The following LRP2 variants were observed in gnomAD, a reference collection of about 807,000 sequenced individuals.
The protein encoded by LRP2 is LDL receptor related protein 2.
A neutral mutation model predicts 531.0 loss-of-function variants in LRP2; 172 were observed. That is an observed-to-expected ratio of 0.32 (90% CI 0.29 to 0.37). The LOEUF (loss-of-function observed/expected upper bound fraction) is 0.37, where lower values mean the gene tolerates loss of function less well. Ranked by LOEUF, LRP2 falls within the 10% of genes least tolerant of loss-of-function variation. The probability of loss-of-function intolerance (pLI) is 1.00; values close to 1 mark genes in which losing one functional copy is unlikely to be tolerated. For missense variants in LRP2, 5,167 were observed against 5,868.3 expected, an observed-to-expected ratio of 0.88 and a Z score of 3.90; for synonymous variants, 1,992 against 2,027.6, an observed-to-expected ratio of 0.98 and a Z score of 0.47.
At chr2:169,185,378 C>T (rs1687598230) in intron 50 of LRP2, 125 bp downstream of exon 50, 5 of 864,716 alleles carry the variant, frequency 5.8e-6, no homozygotes, top group Non-Finnish European at 9.0e-6. Flanking sequence ...GAAAATAAAC[C>T]TGCAGAAACA....
chr2:169,318,891 C>T lies in LRP2; in HGVS notation c.188-7G>A. The stretch of plus-strand genomic sequence containing the variant: ...TGCTGGCAGGTCACAACAGCTAAAA[C>T]AAACCAAAAGAGGACTCATTATGGC... On this transcript the variant is annotated splice_polypyrimidine_tract_variant and splice_region_variant and intron_variant, in intron 2 of 78. Transcript: ENST00000649046. The T allele has an allele frequency of 6.2e-7, 1 of 1,614,034 alleles. No individual in the cohort carries two copies. Among genetic ancestry groups the T allele is most frequent in the Non-Finnish European group, 8.5e-7 (1 of 1,179,970 alleles).
intron 1 of LRP2, among the ~76,000 whole-genome samples, chr2:169,328,451 A>AAAAAAAAAAAAAAG (rs1281332850): frequency 1.5e-4 from 21 of 135,920 alleles, no homozygotes; most frequent in East Asian, 2.1e-4. Flanking sequence ...TAAAAAAAAA[A>AAAAAAAAAAAAAAG]AAAAAAAAAA....
intron 7 of LRP2, among the ~76,000 whole-genome samples, chr2:169,291,393 T>C (rs59457398): frequency 0.094 from 14,273 of 152,268 alleles, 860 homozygotes; most frequent in Middle Eastern, 0.16. Flanking sequence ...TGATTTGCTT[T>C]GTTTATTTAG....
chr2:169,204,807 C>T (rs1355678588), intron 41 of LRP2, among the ~76,000 whole-genome samples: 1 of 152,118 alleles, frequency 6.6e-6, no homozygotes, highest in Non-Finnish European at 1.5e-5. Flanking sequence ...AATTAAGATT[C>T]CCGATATGTA....
Position 169,362,416 on chromosome 2 carries a change from G to C in LRP2, c.-17C>G, listed in dbSNP as rs1339937223. On this transcript the variant is annotated 5_prime_UTR_variant, in exon 1 of 79. Coordinates refer to ENST00000649046, the MANE Select transcript of LRP2 (RefSeq NM_004525.3). The stretch of plus-strand genomic sequence containing the variant: ...GCGATCCATCTCCGCGACGGTCCCC[G>C]GCCTCGCCGTTCCTTCCCCGGGAGG... 1 of 1,548,632 alleles carries C rather than the reference G, an allele frequency of 6.5e-7. No individual in the cohort carries two copies. The highest frequency in any genetic ancestry group is 2.4e-5 in the East Asian group (1 of 41,108).
rs908614665 is a variant in LRP2, at chr2:169,347,867, T to A, written c.79+14454A>T. ...TGAACTGCCAAGAGTAGCAAAAAAATGTCCAAAAGTTGGGTCGCAATGGTA... is the reference window on the plus strand; with the variant it reads ...TGAACTGCCAAGAGTAGCAAAAAAAAGTCCAAAAGTTGGGTCGCAATGGTA... On this transcript the variant is annotated intron_variant, in intron 1 of 78. Coordinates refer to ENST00000649046, the MANE Select transcript of LRP2 (RefSeq NM_004525.3). 5.9e-5 allele frequency among the ~76,000 whole-genome samples: 9 copies of A among 152,238 alleles called. 1 individual carries two copies. The South Asian group carries it at 1.2e-3, about 21-fold the overall frequency.
chr2:169,202,892 G>A lies in LRP2; in HGVS notation c.8073C>T (p.His2691=), dbSNP rs146772976. The A allele has an allele frequency of 2.1e-4, 341 of 1,614,224 alleles. No individual in the cohort carries two copies. The highest frequency in any genetic ancestry group is 2.7e-4 in the Non-Finnish European group (314 of 1,180,054). The change falls in exon 43 of 79, where the codon CAC becomes CAT. Residue 2691 remains histidine (H), a synonymous_variant. Coordinates refer to ENST00000649046, the MANE Select transcript of LRP2 (RefSeq NM_004525.3). ...ATCGTTCACCATTGTCCACAATGCA[G>A]TGCTTCCTGTTGTTGGCCAAATACC... The part of the protein sequence containing the change: ...GNWYLANNRK[H]CIVDNGERCG...
chr2:169,296,174 G>C (rs558478295), intron 4 of LRP2, among the ~76,000 whole-genome samples: 1 of 152,196 alleles, frequency 6.6e-6, no homozygotes, highest in African/African-American at 2.4e-5. Context: ...AAAGGAATAA[G>C]CCTAACTCTT....
intron 63 of LRP2, among the ~76,000 whole-genome samples, chr2:169,157,774 T>C (rs548583651): frequency 6.6e-6 from 1 of 152,064 alleles, no homozygotes; most frequent in South Asian, 2.1e-4. Flanking sequence ...CCTCAGAGCA[T>C]CCAATTCTGG....
chr2:169,233,784 C>G (rs1253261246), intron 29 of LRP2, among the ~76,000 whole-genome samples, 196 bp from the exon 30 acceptor site: 1 of 152,202 alleles, frequency 6.6e-6, no homozygotes, highest in Non-Finnish European at 1.5e-5. Flanking sequence ...CATTCAAGAG[C>G]CTTTCACATA....
chr2:169,141,283 T>C (rs1685709936), intron 71 of LRP2, among the ~76,000 whole-genome samples: 1 of 152,226 alleles, frequency 6.6e-6, no homozygotes, highest in African/African-American at 2.4e-5. Flanking sequence ...CTGAACACTA[T>C]CTAAAGGACA....
At chr2:169,171,286 G>T in intron 58 of LRP2, among the ~76,000 whole-genome samples, 1 of 152,202 alleles carries the variant, frequency 6.6e-6, no homozygotes, top group Middle Eastern at 3.4e-3. Context: ...GTTAGAATGT[G>T]TTTCATTAGT....
intron 1 of LRP2, among the ~76,000 whole-genome samples, chr2:169,338,604 C>A (rs1299559711): frequency 2.0e-5 from 3 of 152,186 alleles, no homozygotes; most frequent in Non-Finnish European, 4.4e-5. Context: ...GATTCAACTA[C>A]TGTTACATAT....
intron 3 of LRP2, among the ~76,000 whole-genome samples, chr2:169,318,410 A>T (rs1442499625): frequency 6.6e-6 from 1 of 152,160 alleles, no homozygotes; most frequent in Non-Finnish European, 1.5e-5. Context: ...TTGAATACAA[A>T]GTATGCCACA....
Sources: gnomAD v4.1 joint callset for allele counts (sites outside exome capture counted in the v4.1 genomes callset) on GRCh38, gnomAD v4.1.1 for gene constraint, MANE v1.5 for transcripts, NCBI Gene and HGNC (gene_info 2026-07-23, HGNC 2026-07-21) for gene names.